The following NAV2 variants were observed in gnomAD, a reference collection of about 807,000 sequenced individuals.
NAV2 encodes helicase, APC down-regulated 1.
NAV2 carries 54 observed loss-of-function variants against 223.2 expected under a neutral mutation model. The ratio of observed to expected loss-of-function variants is 0.24; its 90% CI spans 0.19 to 0.30. NAV2 has a LOEUF of 0.30. Ranked by LOEUF, NAV2 falls within the 10% of genes least tolerant of loss-of-function variation. The pLI is 1.00. For missense variants in NAV2, 2,806 were observed against 3,147.5 expected, an observed-to-expected ratio of 0.89 and a Z score of 2.60; for synonymous variants, 1,279 against 1,239.3, an observed-to-expected ratio of 1.03 and a Z score of -0.67.
chr11:19,819,589 G>A (rs2059271969), intron 1 of NAV2, among the ~76,000 whole-genome samples: 1 of 152,192 alleles, frequency 6.6e-6, no homozygotes, highest in South Asian at 2.1e-4. Flanking sequence ...GGTTAGAGTA[G>A]CATGGAACTG....
At chr11:19,878,744 C>T (rs978186670) in intron 4 of NAV2, among the ~76,000 whole-genome samples, 1 of 152,184 alleles carries the variant, frequency 6.6e-6, no homozygotes, top group Non-Finnish European at 1.5e-5. Flanking sequence ...TCCTCCTCTG[C>T]GTGGAAAGGA....
intron 1 of NAV2, among the ~76,000 whole-genome samples, chr11:19,399,619 T>G (rs549144260): frequency 3.5e-4 from 53 of 152,310 alleles, no homozygotes; most frequent in Middle Eastern, 6.8e-3. Context: ...AGGGTTAAGA[T>G]GGCAGACCCT....
chr11:19,706,012 T>A (rs1473935253), intron 1 of NAV2, among the ~76,000 whole-genome samples: 1 of 152,160 alleles, frequency 6.6e-6, no homozygotes, highest in Admixed American at 6.5e-5. Context: ...TCAGAGGACC[T>A]CTTGAGCAGC....
chr11:20,068,828 C>T (rs375605052), intron 22 of NAV2, among the ~76,000 whole-genome samples: 9 of 152,122 alleles, frequency 5.9e-5, no homozygotes, highest in Non-Finnish European at 1.3e-4. Context: ...GTGATATACA[C>T]GATTATGAGT....
At chr11:19,960,856 C>T (rs970657055) in intron 10 of NAV2, among the ~76,000 whole-genome samples, 1 of 152,080 alleles carries the variant, frequency 6.6e-6, no homozygotes, top group Non-Finnish European at 1.5e-5. Context: ...AAGTGATGCA[C>T]CTGCCTTGGG....
intron 1 of NAV2, among the ~76,000 whole-genome samples, chr11:19,724,864 C>G (rs933650723): frequency 7.2e-5 from 11 of 152,184 alleles, no homozygotes; most frequent in Admixed American, 2.0e-4. Context: ...TCCTACTTCC[C>G]CATTTATTTA....
chr11:19,447,081 C>T (rs988093656), intron 1 of NAV2, among the ~76,000 whole-genome samples: 19 of 152,176 alleles, frequency 1.2e-4, no homozygotes, highest in African/African-American at 4.3e-4. Flanking sequence ...AGATTTTGCC[C>T]CACTCACAAC....
At chr11:19,682,965 G>A (rs899622822) in intron 1 of NAV2, among the ~76,000 whole-genome samples, 1 of 152,190 alleles carries the variant, frequency 6.6e-6, no homozygotes, top group African/African-American at 2.4e-5. Context: ...CATTTTCCAA[G>A]GTTGCAGAAC....
chr11:19,532,479 C>T (rs766424164), intron 1 of NAV2, among the ~76,000 whole-genome samples: 3 of 152,298 alleles, frequency 2.0e-5, no homozygotes, highest in Non-Finnish European at 2.9e-5. Flanking sequence ...ATTTCTAATT[C>T]CTCTTCCAGC....
intron 1 of NAV2, among the ~76,000 whole-genome samples, chr11:19,720,188 C>T (rs1011425220): frequency 3.9e-5 from 6 of 152,244 alleles, no homozygotes; most frequent in Non-Finnish European, 8.8e-5. Flanking sequence ...AATGACTATT[C>T]TGTCTCTTGG....
At chr11:19,911,256 AAGGAGCATCCAATCCAATCTTGG>A (rs1288102694) in intron 6 of NAV2, among the ~76,000 whole-genome samples, 2 of 152,144 alleles carry the variant, frequency 1.3e-5, no homozygotes, top group Non-Finnish European at 2.9e-5. Context: ...TTATGTCTGG[AAGGAGCATCCAATCCAATCTTGG>A]AGGAGTCAGG....
chr11:19,790,816 G>A (rs2057465871), intron 1 of NAV2, among the ~76,000 whole-genome samples: 1 of 152,072 alleles, frequency 6.6e-6, no homozygotes, highest in African/African-American at 2.4e-5. Context: ...TTGCAAAAGG[G>A]GGGAATATTA....
intron 1 of NAV2, among the ~76,000 whole-genome samples, chr11:19,690,220 C>A (rs148306250): frequency 6.6e-6 from 1 of 152,326 alleles, no homozygotes; most frequent in East Asian, 1.9e-4. Context: ...CCTCCGCCTC[C>A]CAAAGTGCTG....
intron 1 of NAV2, among the ~76,000 whole-genome samples, chr11:19,781,107 T>G (rs4757845): frequency 0.44 from 67,503 of 151,868 alleles, 17,735 homozygotes; most frequent in Middle Eastern, 0.64. Context: ...ATTATCTCCA[T>G]TATTCAGATA....
At chr11:19,867,468 G>A (rs901037353) in intron 3 of NAV2, among the ~76,000 whole-genome samples, 1 of 152,178 alleles carries the variant, frequency 6.6e-6, no homozygotes. Flanking sequence ...CACGGGGCTG[G>A]ACAGAGGACA....
chr11:20,091,031 G>A lies in NAV2; in HGVS notation c.5652+13G>A, dbSNP rs1292395462. 1.2e-6 allele frequency: 2 copies of A among 1,611,724 alleles called. No individual in the cohort carries two copies. Among genetic ancestry groups the A allele is most frequent in the East Asian group, 4.5e-5 (2 of 44,870 alleles). Reference sequence around the variant, plus strand: ...GAACAGGATGCAGGTGAGAGCCCAGGAGCATGGGCTGAGCTCAAGGCTGTC... The same window carrying A: ...GAACAGGATGCAGGTGAGAGCCCAGAAGCATGGGCTGAGCTCAAGGCTGTC... On this transcript the variant is annotated intron_variant, in intron 27 of 37. Coordinates refer to ENST00000349880, the MANE Select transcript of NAV2 (RefSeq NM_145117.5).
chr11:19,366,233 C>T (rs1038534545), intron 1 of NAV2, among the ~76,000 whole-genome samples: 1 of 152,170 alleles, frequency 6.6e-6, no homozygotes, highest in Non-Finnish European at 1.5e-5. Flanking sequence ...GTCAGGGTGG[C>T]TCCTGGCTCC....
At chr11:19,798,435 C>T (rs1462587896) in intron 1 of NAV2, among the ~76,000 whole-genome samples, 1 of 152,128 alleles carries the variant, frequency 6.6e-6, no homozygotes, top group Non-Finnish European at 1.5e-5. Flanking sequence ...AGTTTGAAAT[C>T]ATCACTGCCA....
chr11:19,822,744 TTATACCCTTTGGTA>T (rs1462435820), intron 1 of NAV2, among the ~76,000 whole-genome samples: 6 of 152,178 alleles, frequency 3.9e-5, no homozygotes, highest in African/African-American at 7.2e-5. Context: ...AGACAGGGAT[TTATACCCTTTGGTA>T]TAAATGTTCA....
Sources: gnomAD v4.1 joint callset for allele counts (sites outside exome capture counted in the v4.1 genomes callset) on GRCh38, gnomAD v4.1.1 for gene constraint, MANE v1.5 for transcripts, NCBI Gene and HGNC (gene_info 2026-07-23, HGNC 2026-07-21) for gene names.